HCRTR2: variants seen among roughly 807,000 people sequenced by gnomAD.
The protein encoded by HCRTR2 is orexin receptor type 2.
In HCRTR2, 22 loss-of-function variants were observed where a neutral mutation model predicts 49.0. The observed-to-expected ratio is 0.45, with a 90% CI of 0.32 to 0.64. The LOEUF (loss-of-function observed/expected upper bound fraction) is 0.64, where lower values mean the gene tolerates loss of function less well. HCRTR2 is among the 30% of genes least tolerant of loss of function. The probability of loss-of-function intolerance (pLI) is 0.04; values close to 1 mark genes in which losing one functional copy is unlikely to be tolerated. For missense variants in HCRTR2, 491 were observed against 559.4 expected (o/e 0.88, Z 1.23); for synonymous variants, 236 against 205.3 (o/e 1.15, Z -1.28).
At chr6:55,243,504 A>G (rs1167950383) in intron 1 of HCRTR2, among the ~76,000 whole-genome samples, 3 of 152,208 alleles carry the variant, frequency 2.0e-5, no homozygotes, top group Non-Finnish European at 4.4e-5. Flanking sequence ...GTGAGCTCTC[A>G]GATTTCACTC....
chr6:55,248,851 A>G (rs1039815191), intron 2 of HCRTR2, 34 bp downstream of exon 2: 1 of 1,579,246 alleles, frequency 6.3e-7, no homozygotes, highest in African/African-American at 1.3e-5. Flanking sequence ...GAAGCTACTA[A>G]AAAGAATGTT....
intron 4 of HCRTR2, among the ~76,000 whole-genome samples, chr6:55,274,615 T>G (rs1767042854): frequency 6.6e-6 from 1 of 151,994 alleles, no homozygotes; most frequent in African/African-American, 2.4e-5. Context: ...CAAAGTCCAG[T>G]ACAATGTTGA....
rs182834572 is a variant in HCRTR2, at chr6:55,210,823, T to A, written c.223+36013T>A. On this transcript the variant is annotated intron_variant, in intron 1 of 6. Coordinates refer to ENST00000370862, the MANE Select transcript of HCRTR2 (RefSeq NM_001384272.1). ...CAATAAACGATTTTGTTGGGTACAA[T>A]CTGATTTTATTAACTTCTGGATTTA... is the stretch of plus-strand genomic sequence containing the variant. Among the ~76,000 whole-genome samples the A allele has an allele frequency of 3.2e-3, 492 of 152,296 alleles. 2 individuals are homozygous for A. Among genetic ancestry groups the A allele is most frequent in the African/African-American group, 0.011 (454 of 41,576 alleles).
chr6:55,178,208 T>C (rs1377642366), intron 1 of HCRTR2, among the ~76,000 whole-genome samples: 1 of 152,106 alleles, frequency 6.6e-6, no homozygotes, highest in Non-Finnish European at 1.5e-5. Flanking sequence ...TTCTAGTCAG[T>C]TTAAACATTA....
intron 1 of HCRTR2, among the ~76,000 whole-genome samples, chr6:55,186,429 A>AG (rs1250471582): frequency 2.6e-5 from 4 of 152,200 alleles, no homozygotes; most frequent in Non-Finnish European, 4.4e-5. Flanking sequence ...TGATTATGAA[A>AG]GACCATTTGA....
At chr6:55,282,628 A>G, downstream of HCRTR2, 1 of 600,516 alleles carries the variant, frequency 1.7e-6, no homozygotes, top group Non-Finnish European at 2.9e-6. Flanking sequence ...TGATTTCTCA[A>G]CTTTTGATTT....
chr6:55,176,751 G>T (rs1765047279), intron 1 of HCRTR2, among the ~76,000 whole-genome samples: 1 of 152,108 alleles, frequency 6.6e-6, no homozygotes, highest in Non-Finnish European at 1.5e-5. Flanking sequence ...AGCATATAGA[G>T]AATAGATTCT....
chr6:55,141,467 G>A (rs1374785673), intron 1 of HCRTR2, among the ~76,000 whole-genome samples: 1 of 152,188 alleles, frequency 6.6e-6, no homozygotes, highest in Non-Finnish European at 1.5e-5. Flanking sequence ...GTTAGAAGAA[G>A]AGATACATAT....
Position 55,191,305 on chromosome 6 carries a change from G to A in HCRTR2, c.223+16495G>A, listed in dbSNP as rs535502608. 3.9e-5 allele frequency among the ~76,000 whole-genome samples: 6 copies of A among 152,176 alleles called. No homozygotes were observed. In the South Asian group the frequency reaches 1.2e-3, roughly 32 times the overall value. On this transcript the variant is annotated intron_variant, in intron 1 of 6. Coordinates refer to ENST00000370862, the MANE Select transcript of HCRTR2 (RefSeq NM_001384272.1). ...ACAAATCAGAAGTCTGGGCTAAGTA[G>A]AACGCATAATAGAATCAGTAGTGCA...
At chr6:55,114,985 G>A (rs188765870) in intron 1 of HCRTR2, among the ~76,000 whole-genome samples, 31 of 151,850 alleles carry the variant, frequency 2.0e-4, no homozygotes, top group Admixed American at 3.3e-4. Context: ...GAGGCATGCA[G>A]ACATACAAAT....
intron 1 of HCRTR2, among the ~76,000 whole-genome samples, chr6:55,156,775 A>G (rs1764737321): frequency 1.3e-5 from 2 of 152,178 alleles, no homozygotes; most frequent in African/African-American, 4.8e-5. Flanking sequence ...GCAATAAATA[A>G]TAGTAATTAA....
intron 1 of HCRTR2, among the ~76,000 whole-genome samples, chr6:55,192,372 G>A (rs921651824): frequency 5.3e-5 from 8 of 150,922 alleles, no homozygotes; most frequent in African/African-American, 1.7e-4. Flanking sequence ...TGGGTAACAT[G>A]GTGAGAACCT....
chr6:55,158,035 C>G (rs7749137), intron 1 of HCRTR2, among the ~76,000 whole-genome samples: 65,647 of 151,984 alleles, frequency 0.43, 15,025 homozygotes, highest in East Asian at 0.78. Context: ...TGAATAGGAA[C>G]AGCTCTGGTC....
At chr6:55,169,249 A>C (rs1030452391) in intron 1 of HCRTR2, among the ~76,000 whole-genome samples, 2 of 151,908 alleles carry the variant, frequency 1.3e-5, no homozygotes, top group Admixed American at 6.6e-5. Flanking sequence ...AATAAAAAAC[A>C]TAAGGGGAAA....
intron 1 of HCRTR2, among the ~76,000 whole-genome samples, chr6:55,118,039 C>A (rs917180483): frequency 8.0e-4 from 122 of 151,792 alleles, no homozygotes; most frequent in African/African-American, 2.8e-3. Context: ...TTTTCCTGAT[C>A]CTGTCCCTCC....
downstream of HCRTR2, among the ~76,000 whole-genome samples, chr6:55,283,055 A>G (rs960099242): frequency 3.9e-5 from 6 of 152,196 alleles, no homozygotes; most frequent in African/African-American, 1.4e-4. Context: ...ACCATTGCTA[A>G]CATTTCTTGT....
intron 1 of HCRTR2, among the ~76,000 whole-genome samples, chr6:55,111,906 C>A (rs35635474): frequency 0.067 from 10,249 of 151,954 alleles, 615 homozygotes; most frequent in African/African-American, 0.16. Context: ...GCAATTCTAG[C>A]TAACTGAATT....
At chr6:55,135,788 A>G (rs1764425931) in intron 1 of HCRTR2, among the ~76,000 whole-genome samples, 1 of 152,176 alleles carries the variant, frequency 6.6e-6, no homozygotes, top group Non-Finnish European at 1.5e-5. Flanking sequence ...TAAGTAGTAG[A>G]GCTGGAATTC....
intron 5 of HCRTR2, among the ~76,000 whole-genome samples, 179 bp downstream of exon 5, chr6:55,277,779 T>G (rs1405246012): frequency 2.0e-5 from 3 of 151,656 alleles, no homozygotes; most frequent in Non-Finnish European, 4.4e-5. Context: ...CCTTTAAGAG[T>G]GCTCAGACAT....
Sources: allele counts gnomAD v4.1 joint callset (sites outside exome capture counted in the v4.1 genomes callset), GRCh38; gene constraint gnomAD v4.1.1; transcripts MANE v1.5; gene names NCBI Gene and HGNC (gene_info 2026-07-23, HGNC 2026-07-21).